The following INTS9 variants were observed in gnomAD, a reference collection of about 807,000 sequenced individuals.
The protein encoded by INTS9 is integrator complex subunit 9, also known as protein related to CPSF subunits of 74 kDa.
A neutral mutation model predicts 79.7 loss-of-function variants in INTS9; 55 were observed. That is an observed-to-expected ratio of 0.69 (90% CI 0.56 to 0.86). The LOEUF (loss-of-function observed/expected upper bound fraction) is 0.86, where lower values mean the gene tolerates loss of function less well. Ranked by LOEUF, INTS9 falls within the 40% of genes least tolerant of loss-of-function variation. The probability of loss-of-function intolerance (pLI) is 0.00; values close to 1 mark genes in which losing one functional copy is unlikely to be tolerated. For missense variants in INTS9, 721 were observed against 831.5 expected (o/e 0.87, Z 1.64); for synonymous variants, 319 against 325.2 (o/e 0.98, Z 0.20).
At chr8:28,881,162 C>A (rs1809754740) in intron 1 of INTS9, among the ~76,000 whole-genome samples, 1 of 137,492 alleles carries the variant, frequency 7.3e-6, no homozygotes, top group South Asian at 2.4e-4. Flanking sequence ...CCGCCCCGTC[C>A]GGGAGGTGAG....
At chr8:28,888,735 T>C (rs1810331647) in intron 1 of INTS9, among the ~76,000 whole-genome samples, 2 of 152,188 alleles carry the variant, frequency 1.3e-5, no homozygotes, top group South Asian at 4.1e-4. Flanking sequence ...AACAGATTTA[T>C]ACGGGGACAA....
At chr8:28,806,733 C>T (rs1040037648) in intron 8 of INTS9, among the ~76,000 whole-genome samples, 1 of 152,138 alleles carries the variant, frequency 6.6e-6, no homozygotes, top group Non-Finnish European at 1.5e-5. Flanking sequence ...TCTAATCAGA[C>T]TGGATGGACT....
chr8:28,789,002 T>C (rs904159860), intron 10 of INTS9, among the ~76,000 whole-genome samples: 7 of 152,200 alleles, frequency 4.6e-5, no homozygotes, highest in African/African-American at 1.7e-4. Flanking sequence ...TATTAATACA[T>C]TGTATCTAAT....
At chr8:28,791,083 A>G (rs1297850817) in intron 10 of INTS9, among the ~76,000 whole-genome samples, 1 of 151,918 alleles carries the variant, frequency 6.6e-6, no homozygotes, top group African/African-American at 2.4e-5. Flanking sequence ...TGCCCCTTGT[A>G]TTTCCTAATC....
chr8:28,818,307 T>C (rs1805622153), intron 6 of INTS9, among the ~76,000 whole-genome samples: 1 of 151,194 alleles, frequency 6.6e-6, no homozygotes, highest in African/African-American at 2.4e-5. Context: ...ATAGCTCTTA[T>C]TATTTTGAGA....
intron 1 of INTS9, among the ~76,000 whole-genome samples, chr8:28,867,498 A>G (rs1238439654): frequency 6.6e-6 from 1 of 151,612 alleles, no homozygotes; most frequent in Non-Finnish European, 1.5e-5. Context: ...AATCACTTGA[A>G]CCTGGGAGGC....
rs144300219 is a variant in INTS9, at chr8:28,795,210, G to A, written c.857-1223C>T. ...CTTTGGTAGCTGTTACGGACTGAATGTGTGTGTCCCCCACAAGATTCTCAT... is the reference window on the plus strand; with the variant it reads ...CTTTGGTAGCTGTTACGGACTGAATATGTGTGTCCCCCACAAGATTCTCAT... On this transcript the variant is annotated intron_variant, in intron 9 of 16. Transcript: ENST00000521022. 3.3e-3 allele frequency among the ~76,000 whole-genome samples: 497 copies of A among 152,302 alleles called. 4 individuals carry two copies. Among genetic ancestry groups the A allele is most frequent in the African/African-American group, 0.012 (481 of 41,564 alleles).
chr8:28,786,262 G>T (rs1803582810), intron 11 of INTS9, among the ~76,000 whole-genome samples: 1 of 151,906 alleles, frequency 6.6e-6, no homozygotes, highest in Non-Finnish European at 1.5e-5. Context: ...GTATATTTCA[G>T]TACTATTACC....
At chr8:28,879,446 G>A (rs906807357) in intron 1 of INTS9, among the ~76,000 whole-genome samples, 8 of 152,160 alleles carry the variant, frequency 5.3e-5, no homozygotes, top group African/African-American at 1.7e-4. Flanking sequence ...TATGAAAAAC[G>A]TACAGTTCAC....
At chr8:28,795,621 C>G (rs1040806898) in intron 9 of INTS9, among the ~76,000 whole-genome samples, 7 of 110,800 alleles carry the variant, frequency 6.3e-5, no homozygotes, top group Admixed American at 5.5e-4. Context: ...GCCTGGGCAA[C>G]AGAGCAAGAC....
rs138553086 is a variant in INTS9, at chr8:28,816,155, A to C, written c.489-2543T>G. ...TTCTTTTTTTTTTCCTTTTTTAAAA[A>C]TTTTATTATTATTATACTTTAAGTT... On this transcript the variant is annotated intron_variant, in intron 6 of 16. Coordinates refer to ENST00000521022, the MANE Select transcript of INTS9 (RefSeq NM_018250.4). Among the ~76,000 whole-genome samples the C allele has an allele frequency of 8.3e-3, 1,266 of 151,834 alleles. 11 individuals carry two copies. The highest frequency in any genetic ancestry group is 0.029 in the African/African-American group (1,206 of 41,416).
chr8:28,850,151 G>A, intron 3 of INTS9, 62 bp downstream of exon 3: 4 of 1,373,628 alleles, frequency 2.9e-6, no homozygotes, highest in Non-Finnish European at 4.1e-6. Context: ...GGTGGCTCTG[G>A]TATGAGAAGA....
chr8:28,887,064 A>G (rs938374169), intron 1 of INTS9, among the ~76,000 whole-genome samples: 3 of 152,230 alleles, frequency 2.0e-5, no homozygotes, highest in African/African-American at 7.2e-5. Flanking sequence ...CACGCCAATA[A>G]TTACAAGTGC....
chr8:28,859,377 T>G, intron 2 of INTS9, 59 bp downstream of exon 2: 1 of 1,589,922 alleles, frequency 6.3e-7, no homozygotes, highest in South Asian at 1.1e-5. Context: ...TTCATACTAA[T>G]GGTACCATTT....
intron 6 of INTS9, among the ~76,000 whole-genome samples, chr8:28,825,164 C>T (rs1254969160): frequency 6.6e-6 from 1 of 152,210 alleles, no homozygotes; most frequent in East Asian, 1.9e-4. Flanking sequence ...GGGCTTGAAC[C>T]TCCTGGGGCT....
intron 11 of INTS9, among the ~76,000 whole-genome samples, chr8:28,786,036 C>G (rs1411501081): frequency 1.3e-5 from 2 of 152,214 alleles, no homozygotes; most frequent in African/African-American, 4.8e-5. Flanking sequence ...CACTACCACA[C>G]TGGCATCTAA....
chr8:28,837,377 C>T (rs977977490), intron 5 of INTS9, among the ~76,000 whole-genome samples: 2 of 152,188 alleles, frequency 1.3e-5, no homozygotes, highest in African/African-American at 2.4e-5. Context: ...TTAGTATTCT[C>T]TGTACAGAGG....
At chr8:28,793,762 G>C (rs758864371) in intron 10 of INTS9, 45 bp downstream of exon 10, 1 of 1,395,872 alleles carries the variant, frequency 7.2e-7, no homozygotes, top group South Asian at 1.5e-5. Context: ...TGAATGTCCT[G>C]AATCAAATAA....
chr8:28,837,175 C>A (rs1240008229), intron 5 of INTS9, among the ~76,000 whole-genome samples: 1 of 152,142 alleles, frequency 6.6e-6, no homozygotes, highest in African/African-American at 2.4e-5. Context: ...ACAACTTAAC[C>A]ATCTATTTAC....
Sources: allele counts gnomAD v4.1 joint callset (sites outside exome capture counted in the v4.1 genomes callset), GRCh38; gene constraint gnomAD v4.1.1; transcripts MANE v1.5; gene names NCBI Gene and HGNC (gene_info 2026-07-23, HGNC 2026-07-21).